NAA11: variants seen among roughly 807,000 people sequenced by gnomAD.
NAA11 encodes N-alpha-acetyltransferase 11, NatA catalytic subunit, also known as N-alpha-acetyltransferase 11.
A neutral mutation model predicts 16.1 loss-of-function variants in NAA11; 15 were observed. The ratio of observed to expected loss-of-function variants is 0.93; its 90% CI spans 0.62 to 1.44. The LOEUF (loss-of-function observed/expected upper bound fraction) is 1.44, where lower values mean the gene tolerates loss of function less well. NAA11 is among the 40% of genes most tolerant of loss of function. The pLI is 0.00. For synonymous variants in NAA11, 122 were observed against 112.4 expected (o/e 1.09, Z -0.54); for missense variants, 298 against 291.3 (o/e 1.02, Z -0.17).
intron 2 of NAA11, among the ~76,000 whole-genome samples, chr4:79,271,719 T>A (rs924092782): frequency 5.3e-5 from 8 of 152,080 alleles, no homozygotes; most frequent in Non-Finnish European, 1.0e-4. Flanking sequence ...GTTGAAATGT[T>A]GAATTTCTTA....
At chr4:79,217,253 T>C in the NAA11 span, among the ~76,000 whole-genome samples, 1 of 152,060 alleles carries the variant, frequency 6.6e-6, no homozygotes, top group Admixed American at 6.6e-5. Context: ...CTGCAGGGAG[T>C]CCTGGTGAAC....
chr4:79,175,193 G>A, the NAA11 span, among the ~76,000 whole-genome samples: 1 of 152,068 alleles, frequency 6.6e-6, no homozygotes, highest in African/African-American at 2.4e-5. Context: ...CTAACCCCAA[G>A]CATGGTCATT....
chr4:79,172,356 A>G, the NAA11 span, among the ~76,000 whole-genome samples: 1 of 152,032 alleles, frequency 6.6e-6, no homozygotes, highest in Non-Finnish European at 1.5e-5. Flanking sequence ...AATTAATAAG[A>G]CCCCCAATTG....
intron 2 of NAA11, among the ~76,000 whole-genome samples, chr4:79,291,746 A>T (rs926206265): frequency 3.9e-5 from 6 of 152,054 alleles, no homozygotes; most frequent in African/African-American, 1.4e-4. Context: ...AAATAAATAA[A>T]TGTAAAATAA....
intron 2 of NAA11, among the ~76,000 whole-genome samples, chr4:79,232,028 C>T (rs187582112): frequency 1.2e-4 from 18 of 151,900 alleles, no homozygotes; most frequent in Admixed American, 1.1e-3. Context: ...AATGCTATTA[C>T]AACTCTGTGT....
the NAA11 span, among the ~76,000 whole-genome samples, chr4:79,199,524 AC>A: frequency 6.6e-6 from 1 of 151,906 alleles, no homozygotes; most frequent in Admixed American, 6.6e-5. Flanking sequence ...AAAGCGAGTG[AC>A]AAAAAACAGA....
chr4:79,299,174 A>C (rs566868462), intron 1 of NAA11: 1 of 152,156 alleles, frequency 6.6e-6, no homozygotes, highest in African/African-American at 2.4e-5. Flanking sequence ...AGAATCACTA[A>C]ACTTTAGAGC....
the NAA11 span, among the ~76,000 whole-genome samples, chr4:79,161,314 T>C: frequency 6.6e-6 from 1 of 152,104 alleles, no homozygotes; most frequent in South Asian, 2.1e-4. Context: ...GGAGCCCTTG[T>C]CAAAAGTCTA....
chr4:79,165,243 A>G, the NAA11 span, among the ~76,000 whole-genome samples: 1 of 152,190 alleles, frequency 6.6e-6, no homozygotes, highest in Non-Finnish European at 1.5e-5. Context: ...TGGTGAAGTC[A>G]TTAACTGGGA....
At chr4:79,157,579 ATATATACG>A in the NAA11 span, among the ~76,000 whole-genome samples, 1 of 151,950 alleles carries the variant, frequency 6.6e-6, no homozygotes, top group South Asian at 2.1e-4. Context: ...GTATATATAC[ATATATACG>A]TGTGTGTGTA....
chr4:79,225,337 A>C (rs1237934754), downstream of NAA11, among the ~76,000 whole-genome samples: 2 of 152,042 alleles, frequency 1.3e-5, no homozygotes, highest in Non-Finnish European at 2.9e-5. Flanking sequence ...TTTTAGCGAA[A>C]TACACTTACT....
intron 2 of NAA11, among the ~76,000 whole-genome samples, chr4:79,241,021 G>A (rs1182246580): frequency 2.0e-5 from 3 of 152,108 alleles, no homozygotes; most frequent in Admixed American, 1.3e-4. Flanking sequence ...TATGGCTAGT[G>A]GAGAAAGGAA....
At chr4:79,276,374 T>A (rs759080973) in intron 2 of NAA11, among the ~76,000 whole-genome samples, 2 of 152,068 alleles carry the variant, frequency 1.3e-5, no homozygotes, top group Admixed American at 6.6e-5. Flanking sequence ...ATGAACACTG[T>A]CTACAGCCTG....
chr4:79,268,482 T>C (rs887825587), intron 2 of NAA11, among the ~76,000 whole-genome samples: 2 of 152,134 alleles, frequency 1.3e-5, no homozygotes, highest in African/African-American at 4.8e-5. Context: ...GAAGAGTTCT[T>C]TACTGTACTC....
At chr4:79,263,202 C>T (rs867675972) in intron 2 of NAA11, among the ~76,000 whole-genome samples, 3 of 151,954 alleles carry the variant, frequency 2.0e-5, no homozygotes, top group African/African-American at 4.8e-5. Flanking sequence ...AATTAAAATA[C>T]GACTTTAACA....
the NAA11 span, among the ~76,000 whole-genome samples, chr4:79,160,673 T>A: frequency 3.9e-5 from 6 of 152,218 alleles, no homozygotes; most frequent in African/African-American, 1.4e-4. Context: ...AATTTTTATT[T>A]AAATCTTTTG....
intron 2 of NAA11, among the ~76,000 whole-genome samples, chr4:79,281,906 T>G (rs1722801004): frequency 6.6e-6 from 1 of 151,984 alleles, no homozygotes; most frequent in African/African-American, 2.4e-5. Flanking sequence ...AACAACAAAA[T>G]AAGGCAGGTT....
At chr4:79,280,757 A>T (rs1355763757) in intron 2 of NAA11, among the ~76,000 whole-genome samples, 1 of 152,016 alleles carries the variant, frequency 6.6e-6, no homozygotes, top group Non-Finnish European at 1.5e-5. Context: ...CTAACACATG[A>T]TTTTAATTAA....
the NAA11 span, among the ~76,000 whole-genome samples, chr4:79,162,628 C>G: frequency 1.3e-5 from 2 of 152,248 alleles, no homozygotes. Flanking sequence ...GTCTATGGCA[C>G]CTTTGTGTAT....
Sources: gnomAD v4.1 joint callset for allele counts (sites outside exome capture counted in the v4.1 genomes callset) on GRCh38, gnomAD v4.1.1 for gene constraint, MANE v1.5 for transcripts, NCBI Gene and HGNC (gene_info 2026-07-23, HGNC 2026-07-21) for gene names.